PSMA6: variants seen among roughly 807,000 people sequenced by gnomAD.
PSMA6 encodes proteasome 20S subunit alpha 6.
For missense variants in PSMA6, 170 were observed against 294.8 expected (o/e 0.58, Z 3.10); for synonymous variants, 88 against 97.7 (o/e 0.90, Z 0.59).
chr14:35,301,082 A>C (rs1594384145), intron 1 of PSMA6, among the ~76,000 whole-genome samples: 1 of 152,276 alleles, frequency 6.6e-6, no homozygotes, highest in Non-Finnish European at 1.5e-5. Flanking sequence ...GGGATGGAGA[A>C]AATAATAGAA....
intron 5 of PSMA6, 180 bp from the exon 6 acceptor site, chr14:35,314,180 GA>G: frequency 1.3e-5 from 7 of 547,062 alleles, no homozygotes; most frequent in Non-Finnish European, 1.9e-5. Context: ...TGACTTGGTA[GA>G]AAAAAATTTC....
At chr14:35,294,311 G>A (rs543959127) in intron 1 of PSMA6, among the ~76,000 whole-genome samples, 3 of 152,296 alleles carry the variant, frequency 2.0e-5, no homozygotes, top group East Asian at 1.9e-4. Context: ...GATTACAGGC[G>A]TGAGCACCGG....
chr14:35,295,044 G>A (rs1478869157), intron 1 of PSMA6, among the ~76,000 whole-genome samples: 1 of 152,134 alleles, frequency 6.6e-6, no homozygotes, highest in Non-Finnish European at 1.5e-5. Flanking sequence ...GACATTTAAA[G>A]TTATAATGCT....
chr14:35,317,145 G>C (rs2052058750), intron 6 of PSMA6, 104 bp from the exon 7 acceptor site: 1 of 781,882 alleles, frequency 1.3e-6, no homozygotes, highest in Non-Finnish European at 2.2e-6. Context: ...AATTGTTAAA[G>C]TAGGTTGATA....
intron 5 of PSMA6, 59 bp from the exon 6 acceptor site, chr14:35,314,302 G>C: frequency 2.1e-6 from 3 of 1,458,488 alleles, no homozygotes; most frequent in African/African-American, 2.8e-5. Flanking sequence ...AGCTAGGAAT[G>C]AGAAAACCTT....
At chr14:35,314,214 T>TC in intron 5 of PSMA6, 147 bp from the exon 6 acceptor site, 1 of 912,266 alleles carries the variant, frequency 1.1e-6, no homozygotes, top group Non-Finnish European at 1.5e-6. Context: ...GGCAATACAT[T>TC]AGAGTTAAGC....
Position 35,307,884 on chromosome 14 carries a change from A to G in PSMA6, c.77-110A>G, listed in dbSNP as rs2051860624. 3 of 990,782 alleles carry G rather than the reference A, an allele frequency of 3.0e-6. No individual in the cohort carries two copies. In the South Asian group the frequency reaches 4.6e-5, roughly 15 times the overall value. 61.4% of individuals were successfully genotyped at this position (990,782 alleles called of 1,614,324 possible). On this transcript the variant is annotated intron_variant, in intron 1 of 6. Transcript: ENST00000261479. ...TTTGCACATCCTGGAATGCTATATG[A>G]GCATTCTGTGTTCATGTAGCTCTTT...
chr14:35,281,692 G>A (rs901571455), intron 1 of PSMA6, among the ~76,000 whole-genome samples: 1 of 152,168 alleles, frequency 6.6e-6, no homozygotes, highest in Non-Finnish European at 1.5e-5. Context: ...CTTCATCAAT[G>A]TTTGCCTTTT....
chr14:35,303,956 A>G (rs2051770262), intron 1 of PSMA6, among the ~76,000 whole-genome samples: 1 of 149,886 alleles, frequency 6.7e-6, no homozygotes, highest in South Asian at 2.1e-4. Flanking sequence ...TAGCTCGTGT[A>G]GTGTAAGCTA....
chr14:35,294,769 T>C (rs918867365), intron 1 of PSMA6, among the ~76,000 whole-genome samples: 1 of 152,150 alleles, frequency 6.6e-6, no homozygotes, highest in Non-Finnish European at 1.5e-5. Flanking sequence ...TATGGGTCCT[T>C]CCATGCTTAG....
At chr14:35,304,969 T>C (rs1168676450) in intron 1 of PSMA6, among the ~76,000 whole-genome samples, 2 of 152,014 alleles carry the variant, frequency 1.3e-5, no homozygotes, top group African/African-American at 4.8e-5. Flanking sequence ...TCTCAGCTGC[T>C]CAGGAGACTG....
chr14:35,294,700 C>T (rs77761635), intron 1 of PSMA6, among the ~76,000 whole-genome samples: 7,381 of 151,542 alleles, frequency 0.049, 262 homozygotes, highest in African/African-American at 0.098. Context: ...GATTCTTTGG[C>T]CCCCCCTTTT....
In PSMA6 at chr14:35,310,733, C is replaced by T; in HGVS notation, c.254-7C>T. ...ACCAGGTAAATCTTTGTTTTTTATGCTATAAGCTGACAGCAGATCCCAGGT... is the reference window on the plus strand; with the variant it reads ...ACCAGGTAAATCTTTGTTTTTTATGTTATAAGCTGACAGCAGATCCCAGGT... On this transcript the variant is annotated splice_polypyrimidine_tract_variant and splice_region_variant and intron_variant, in intron 3 of 6. Coordinates refer to ENST00000261479, the MANE Select transcript of PSMA6 (RefSeq NM_002791.3). The T allele has an allele frequency of 6.2e-7, 1 of 1,611,522 alleles. No individual in the cohort carries two copies. The highest frequency in any genetic ancestry group is 8.5e-7 in the Non-Finnish European group (1 of 1,179,664).
chr14:35,291,612 T>C (rs1433528189), upstream of PSMA6, among the ~76,000 whole-genome samples: 1 of 151,778 alleles, frequency 6.6e-6, no homozygotes, highest in Admixed American at 6.6e-5. Context: ...TCACTTGGGC[T>C]CAGGAGTTCG....
intron 6 of PSMA6, chr14:35,315,021 C>G (rs2052019897): frequency 6.7e-6 from 1 of 148,784 alleles, no homozygotes. Flanking sequence ...ACACATCAGC[C>G]TTATAGCTTC....
At chr14:35,313,894 G>A (rs1281071571) in intron 5 of PSMA6, 1 of 152,342 alleles carries the variant, frequency 6.6e-6, no homozygotes, top group Non-Finnish European at 1.5e-5. Context: ...ACGAGCCTGA[G>A]GTTGCAGTGA....
intron 1 of PSMA6, among the ~76,000 whole-genome samples, chr14:35,299,467 G>A (rs1445032940): frequency 1.3e-5 from 2 of 151,500 alleles, no homozygotes; most frequent in East Asian, 1.9e-4. Flanking sequence ...GATTACAGGC[G>A]CCTGCCACCA....
At chr14:35,315,321 T>A (rs1481641102) in intron 6 of PSMA6, 1 of 152,098 alleles carries the variant, frequency 6.6e-6, no homozygotes, top group East Asian at 1.9e-4. Context: ...GTTCTTTTTT[T>A]TCCTAATTTG....
chr14:35,292,195 C>G (rs2051493523), upstream of PSMA6: 2 of 726,072 alleles, frequency 2.8e-6, no homozygotes, highest in Non-Finnish European at 1.9e-6. Flanking sequence ...AGCCTGAAAG[C>G]GCCACGACCC....
Sources: allele counts gnomAD v4.1 joint callset (sites outside exome capture counted in the v4.1 genomes callset), GRCh38; gene constraint gnomAD v4.1.1; transcripts MANE v1.5; gene names NCBI Gene and HGNC (gene_info 2026-07-23, HGNC 2026-07-21).